Variants in STK32C observed in about 807,000 individuals in gnomAD.
The protein encoded by STK32C is serine/threonine-protein kinase 32C.
A neutral mutation model predicts 56.5 loss-of-function variants in STK32C; 31 were observed. The ratio of observed to expected loss-of-function variants is 0.55; its 90% CI spans 0.41 to 0.74. The LOEUF (loss-of-function observed/expected upper bound fraction) is 0.74, where lower values mean the gene tolerates loss of function less well. Ranked by LOEUF, STK32C falls within the 30% of genes least tolerant of loss-of-function variation. The pLI, the probability that STK32C is intolerant of heterozygous loss-of-function variation, is 0.00. For missense variants in STK32C, 544 were observed against 676.9 expected (o/e 0.80, Z 2.18); for synonymous variants, 309 against 289.4 (o/e 1.07, Z -0.69).
chr10:132,264,695 G>A (rs2064437782), intron 1 of STK32C, among the ~76,000 whole-genome samples: 2 of 152,184 alleles, frequency 1.3e-5, no homozygotes, highest in Non-Finnish European at 2.9e-5. Context: ...ACCTAGTGGG[G>A]CTCGCATGGG....
intron 1 of STK32C, among the ~76,000 whole-genome samples, chr10:132,252,100 C>T (rs2063931860): frequency 6.6e-6 from 1 of 152,268 alleles, no homozygotes; most frequent in Admixed American, 6.5e-5. Flanking sequence ...GACTTTGGCA[C>T]TGTCTGATCA....
intron 1 of STK32C, among the ~76,000 whole-genome samples, chr10:132,278,419 C>T (rs1182162808): frequency 6.6e-6 from 1 of 152,062 alleles, no homozygotes; most frequent in African/African-American, 2.4e-5. Context: ...CAGAACGCTA[C>T]AAAAATGCAA....
chr10:132,216,573 T>C (rs998183228), intron 10 of STK32C, among the ~76,000 whole-genome samples: 2 of 151,110 alleles, frequency 1.3e-5, no homozygotes, highest in African/African-American at 2.4e-5. Flanking sequence ...ATGGGGAAAA[T>C]GTCTCCAGGG....
intron 2 of STK32C, among the ~76,000 whole-genome samples, chr10:132,237,096 G>A (rs72636967): frequency 0.092 from 14,068 of 152,238 alleles, 876 homozygotes; most frequent in East Asian, 0.27. Flanking sequence ...ACAGCCTCCC[G>A]ACTGTTGAGA....
chr10:132,209,557 C>T (rs2062223188), intron 10 of STK32C, among the ~76,000 whole-genome samples: 3 of 152,194 alleles, frequency 2.0e-5, no homozygotes, highest in Admixed American at 2.0e-4. Flanking sequence ...GTCCTCAGGG[C>T]AAGCTTGTGG....
In STK32C at chr10:132,224,425, C is replaced by T. The variant is rs1230332890; in HGVS notation, c.975G>A (p.Met325Ile). 1.3e-6 allele frequency: 2 copies of T among 1,553,854 alleles called. No homozygotes were observed. The highest frequency in any genetic ancestry group is 1.7e-6 in the Non-Finnish European group (2 of 1,148,458). Residue 325 changes from methionine to isoleucine, a missense_variant, in exon 8 of 12, where the codon ATG becomes ATA. Transcript: ENST00000298630. ...GGCTCACCTTCCGCAGCAAGGCCAC[C>T]ATCTCCTTGGACCACGTGGGGACAT... ...VQYVPTWSKE[M>I]VALLRKLLTV... is the part of the protein sequence containing the mutation.
chr10:132,249,276 T>G (rs1045765375), intron 1 of STK32C, among the ~76,000 whole-genome samples: 1 of 152,124 alleles, frequency 6.6e-6, no homozygotes, highest in Non-Finnish European at 1.5e-5. Flanking sequence ...GCCCCCACTC[T>G]GCAGTGCCTG....
intron 1 of STK32C, among the ~76,000 whole-genome samples, chr10:132,284,966 C>T (rs1345221371): frequency 2.1e-5 from 3 of 140,008 alleles, no homozygotes; most frequent in African/African-American, 8.1e-5. Context: ...GGCATGAACC[C>T]GGAACACATT....
In STK32C at chr10:132,307,706, G is replaced by T. The variant is rs772470174; in HGVS notation, c.128C>A (p.Pro43His). 3 of 1,435,764 alleles carry T rather than the reference G, an allele frequency of 2.1e-6. No homozygotes were observed. Among genetic ancestry groups the T allele is most frequent in the Non-Finnish European group, 2.8e-6 (3 of 1,085,610 alleles). The allele number at this position is 1,435,764 out of a possible 1,614,324, so 88.9% of individuals were successfully genotyped here. Reference protein sequence around the residue: ...SALPPPAAGQPRARDSGDVRS... With the variant: ...SALPPPAAGQHRARDSGDVRS... ...GACATCGCCCGAGTCCCGGGCCCGG[G>T]GCTGGCCAGCAGCGGGCGGCGGCAG... The change falls in exon 1 of 12, where the codon CCC becomes CAC. Residue 43 changes from proline to histidine, a missense_variant. Pro to His is a moderately conservative substitution (Grantham distance 77). Transcript: ENST00000298630. This position sits in a 1 kb window ranked among gnomAD's most constrained non-coding sequence, Gnocchi z 4.4.
chr10:132,316,501 C>T (rs1320192929), intron 1 of STK32C, among the ~76,000 whole-genome samples: 1 of 152,118 alleles, frequency 6.6e-6, no homozygotes, highest in Non-Finnish European at 1.5e-5. Flanking sequence ...CACCTGTAGT[C>T]CCTGCTACTC....
intron 1 of STK32C, among the ~76,000 whole-genome samples, chr10:132,279,267 G>A (rs954052919): frequency 3.9e-5 from 6 of 152,166 alleles, no homozygotes; most frequent in Non-Finnish European, 5.9e-5. Flanking sequence ...CATAACAGGC[G>A]AGGTGACATG....
intron 1 of STK32C, among the ~76,000 whole-genome samples, chr10:132,302,522 G>A (rs535643909): frequency 2.0e-5 from 3 of 152,142 alleles, no homozygotes; most frequent in Non-Finnish European, 4.4e-5. Context: ...CCGGCAGGAG[G>A]CCAGGACCAT....
In STK32C at chr10:132,228,192, G is replaced by A. The variant is rs776682729; in HGVS notation, c.319-64C>T. 2.5e-6 allele frequency: 4 copies of A among 1,607,294 alleles called. No homozygotes were observed. In the South Asian group the frequency reaches 3.3e-5, roughly 13 times the overall value. On this transcript the variant is annotated intron_variant, in intron 2 of 11. Transcript: ENST00000298630. ...CGCCTGGGGACACGTGGGGACACCT[G>A]GAAATGCATGGGGATGCCTGGGGAC...
intron 1 of STK32C, among the ~76,000 whole-genome samples, chr10:132,268,472 T>C (rs1303725874): frequency 6.9e-6 from 1 of 145,476 alleles, no homozygotes; most frequent in Non-Finnish European, 1.5e-5. Flanking sequence ...CCACATCGTG[T>C]GTGTGTGTCG....
At chr10:132,235,467 G>A (rs1407715543) in intron 2 of STK32C, among the ~76,000 whole-genome samples, 1 of 103,774 alleles carries the variant, frequency 9.6e-6, no homozygotes, top group Non-Finnish European at 1.8e-5. Context: ...TTGCACTCCA[G>A]CCTGGCAACA....
At chr10:132,301,270 C>G (rs952945187) in intron 1 of STK32C, among the ~76,000 whole-genome samples, 26 of 151,956 alleles carry the variant, frequency 1.7e-4, no homozygotes, top group African/African-American at 6.3e-4. Flanking sequence ...AAGTAGAAGG[C>G]CTGGTCCTCC....
intron 2 of STK32C, among the ~76,000 whole-genome samples, chr10:132,235,444 C>T (rs1354714706): frequency 1.1e-4 from 8 of 70,600 alleles, no homozygotes; most frequent in South Asian, 8.9e-4. Flanking sequence ...TGCAGTGAGC[C>T]GAGATTGCAC....
At chr10:132,268,443 G>A (rs1451901230) in intron 1 of STK32C, among the ~76,000 whole-genome samples, 2 of 146,272 alleles carry the variant, frequency 1.4e-5, no homozygotes, top group African/African-American at 2.5e-5. Context: ...GCAGCTCTAT[G>A]CCTGTGTGCA....
intron 1 of STK32C, among the ~76,000 whole-genome samples, chr10:132,271,405 C>T (rs770404642): frequency 2.6e-5 from 4 of 152,356 alleles, no homozygotes; most frequent in East Asian, 1.9e-4. Context: ...ACAGAGGCCA[C>T]GTTCCCAGAG....
Sources: gnomAD v4.1 joint callset for allele counts (sites outside exome capture counted in the v4.1 genomes callset) on GRCh38, gnomAD v4.1.1 for gene constraint, Gnocchi (gnomAD v3.1) non-coding constraint, MANE v1.5 for transcripts, NCBI Gene and HGNC (gene_info 2026-07-23, HGNC 2026-07-21) for gene names.